UNC5C: variants seen among roughly 807,000 people sequenced by gnomAD.
The protein encoded by UNC5C is netrin receptor UNC5C.
A neutral mutation model predicts 99.8 loss-of-function variants in UNC5C; 47 were observed. That is an observed-to-expected ratio of 0.47 (90% CI 0.37 to 0.60). The LOEUF (loss-of-function observed/expected upper bound fraction) is 0.60, where lower values mean the gene tolerates loss of function less well. Ranked by LOEUF, UNC5C falls within the 20% of genes least tolerant of loss-of-function variation. The pLI is 0.00. For synonymous variants in UNC5C, 487 were observed against 452.2 expected, an observed-to-expected ratio of 1.08 and a Z score of -0.98; for missense variants, 1,062 against 1,165.9, an observed-to-expected ratio of 0.91 and a Z score of 1.30.
chr4:95,321,873 C>G (rs1207408123), intron 2 of UNC5C, among the ~76,000 whole-genome samples: 1 of 152,150 alleles, frequency 6.6e-6, no homozygotes, highest in Non-Finnish European at 1.5e-5. Flanking sequence ...CTACATGGGT[C>G]CTTATCAATT....
intron 4 of UNC5C, among the ~76,000 whole-genome samples, chr4:95,261,367 G>A (rs905317425): frequency 6.6e-6 from 1 of 152,126 alleles, no homozygotes; most frequent in Admixed American, 6.6e-5. Context: ...GATTTTAGGG[G>A]CATCAGGAAA....
chr4:95,480,668 G>C (rs1390549698), intron 1 of UNC5C, among the ~76,000 whole-genome samples: 3 of 152,056 alleles, frequency 2.0e-5, no homozygotes, highest in Admixed American at 6.6e-5. Flanking sequence ...CCATGATCAA[G>C]TGGGCTTCAT....
intron 3 of UNC5C, among the ~76,000 whole-genome samples, chr4:95,295,787 T>C (rs1182715338): frequency 1.3e-5 from 2 of 151,940 alleles, no homozygotes; most frequent in Non-Finnish European, 2.9e-5. Context: ...CAGGACAGAG[T>C]AGAAAACCCA....
intron 1 of UNC5C, among the ~76,000 whole-genome samples, chr4:95,511,073 C>T (rs943992604): frequency 6.6e-6 from 1 of 152,122 alleles, no homozygotes; most frequent in Non-Finnish European, 1.5e-5. Context: ...AGCTGGGAAG[C>T]TCTTTCAGTG....
intron 1 of UNC5C, among the ~76,000 whole-genome samples, chr4:95,399,011 C>T (rs566138856): frequency 6.6e-6 from 1 of 152,236 alleles, no homozygotes; most frequent in Non-Finnish European, 1.5e-5. Flanking sequence ...AGAATCTAGT[C>T]TCTTTAATTC....
At chr4:95,207,054 C>T (rs1379675138) in intron 10 of UNC5C, among the ~76,000 whole-genome samples, 2 of 152,076 alleles carry the variant, frequency 1.3e-5, no homozygotes, top group African/African-American at 4.8e-5. Flanking sequence ...TTCCCTCCGA[C>T]ACTGGTCTTT....
chr4:95,470,247 T>G (rs114032102), intron 1 of UNC5C, among the ~76,000 whole-genome samples: 45 of 152,302 alleles, frequency 3.0e-4, no homozygotes, highest in Non-Finnish European at 5.0e-4. Flanking sequence ...TGCAATGTTT[T>G]CCAAATTGCT....
chr4:95,304,772 C>A (rs944296946), intron 2 of UNC5C, among the ~76,000 whole-genome samples: 1 of 152,166 alleles, frequency 6.6e-6, no homozygotes, highest in African/African-American at 2.4e-5. Flanking sequence ...TTATACGATG[C>A]AGAGCAGCAA....
chr4:95,234,575 TTAAG>T (rs1410290512), intron 7 of UNC5C, among the ~76,000 whole-genome samples: 2 of 152,130 alleles, frequency 1.3e-5, no homozygotes, highest in Non-Finnish European at 2.9e-5. Context: ...TTGAAAACAA[TTAAG>T]TATGTGCTTA....
chr4:95,360,853 T>A (rs943003688), intron 1 of UNC5C, among the ~76,000 whole-genome samples: 14 of 152,050 alleles, frequency 9.2e-5, no homozygotes, highest in Non-Finnish European at 7.4e-5. Flanking sequence ...AGGAGGCAAA[T>A]GATTTGTGAA....
At chr4:95,315,937 T>C (rs1365300769) in intron 2 of UNC5C, among the ~76,000 whole-genome samples, 2 of 152,206 alleles carry the variant, frequency 1.3e-5, no homozygotes, top group Non-Finnish European at 2.9e-5. Flanking sequence ...TATTTTCTTT[T>C]TACTTCCAAG....
chr4:95,192,669 CTCACCTCCTCTGT>C (rs1737201207), intron 12 of UNC5C, among the ~76,000 whole-genome samples: 1 of 149,992 alleles, frequency 6.7e-6, no homozygotes, highest in Admixed American at 6.6e-5. Flanking sequence ...TCTTCCCCTG[CTCACCTCCTCTGT>C]TCACCCTCCT....
At chr4:95,395,629 C>T (rs1302962856) in intron 1 of UNC5C, among the ~76,000 whole-genome samples, 10 of 152,080 alleles carry the variant, frequency 6.6e-5, no homozygotes, top group Non-Finnish European at 8.8e-5. Context: ...TATTACTAAT[C>T]GGGGGAGTTT....
chr4:95,227,347 C>A (rs1378927613), intron 7 of UNC5C, among the ~76,000 whole-genome samples: 3 of 151,916 alleles, frequency 2.0e-5, no homozygotes, highest in Admixed American at 2.0e-4. Context: ...GAGATGGGGT[C>A]TCGCTATGTT....
chr4:95,179,135 C>G (rs1447680274), intron 14 of UNC5C, among the ~76,000 whole-genome samples: 1 of 152,144 alleles, frequency 6.6e-6, no homozygotes. Flanking sequence ...AGTCAAACAG[C>G]TGCTATGGGT....
intron 2 of UNC5C, among the ~76,000 whole-genome samples, chr4:95,319,482 A>G (rs193291446): frequency 6.6e-6 from 1 of 152,314 alleles, no homozygotes; most frequent in South Asian, 2.1e-4. Flanking sequence ...TGTATTTCCT[A>G]CATGCTGTGC....
At position 95,359,258 on chromosome 4, in the gene UNC5C, C is replaced by T. The variant is rs150942563; in HGVS notation, c.125-23627G>A. Reference sequence around the variant, plus strand: ...CTGTTGAGATAAAATAAAAACTTGCCAAGTTGCCAATTACTTTAGACCTAC... The same window carrying T: ...CTGTTGAGATAAAATAAAAACTTGCTAAGTTGCCAATTACTTTAGACCTAC... On this transcript the variant is annotated intron_variant, in intron 1 of 15. Transcript: ENST00000453304. 1.8e-3 allele frequency among the ~76,000 whole-genome samples: 280 copies of T among 152,150 alleles called. 6 individuals carry two copies. The East Asian group carries it at 0.037, about 20-fold the overall frequency.
At chr4:95,186,773 T>A (rs974956157) in intron 12 of UNC5C, among the ~76,000 whole-genome samples, 1 of 152,180 alleles carries the variant, frequency 6.6e-6, no homozygotes, top group Non-Finnish European at 1.5e-5. Flanking sequence ...TTAATGTTGC[T>A]GGCTGATGAG....
At chr4:95,181,707 A>ATGAG (rs901695991) in intron 14 of UNC5C, among the ~76,000 whole-genome samples, 4 of 152,120 alleles carry the variant, frequency 2.6e-5, no homozygotes, top group African/African-American at 9.7e-5. Context: ...AAAGTTGTTT[A>ATGAG]TGAGTCAAAA....
Sources: allele counts gnomAD v4.1 joint callset (sites outside exome capture counted in the v4.1 genomes callset), GRCh38; gene constraint gnomAD v4.1.1; transcripts MANE v1.5; gene names NCBI Gene and HGNC (gene_info 2026-07-23, HGNC 2026-07-21).